Variants in DCN observed in about 807,000 individuals in gnomAD.
DCN encodes decorin, also known as bone proteoglycan II.
Under a neutral mutation model 36.5 loss-of-function variants are expected in DCN, and 17 were observed. That is an observed-to-expected ratio of 0.47 (90% CI 0.32 to 0.70). DCN has a LOEUF of 0.70. DCN is among the 30% of genes least tolerant of loss of function. The probability of loss-of-function intolerance (pLI) is 0.04; values close to 1 mark genes in which losing one functional copy is unlikely to be tolerated. For missense variants in DCN, 389 were observed against 430.1 expected (o/e 0.90, Z 0.84); for synonymous variants, 163 against 161.4 (o/e 1.01, Z -0.07).
At chr12:91,172,149 CTTT>C (rs79669816) in intron 2 of DCN, 5 of 147,308 alleles carry the variant, frequency 3.4e-5, no homozygotes, top group African/African-American at 1.2e-4. Context: ...AAATAGACTT[CTTT>C]TTTTTTTTAT....
At chr12:91,163,746 A>G (rs1882314075) in intron 3 of DCN, among the ~76,000 whole-genome samples, 1 of 152,192 alleles carries the variant, frequency 6.6e-6, no homozygotes, top group African/African-American at 2.4e-5. Flanking sequence ...TGAAGATAGA[A>G]TTATATTTCG....
intron 5 of DCN, among the ~76,000 whole-genome samples, chr12:91,155,212 G>A (rs1248581865): frequency 1.3e-5 from 2 of 152,128 alleles, no homozygotes; most frequent in Non-Finnish European, 2.9e-5. Context: ...CTAGCTCTAA[G>A]AACTTAATTA....
In DCN at chr12:91,164,726, A is replaced by G; in HGVS notation, c.212-9T>C. 5.0e-6 allele frequency: 7 copies of G among 1,408,862 alleles called. No individual in the cohort carries two copies. Among genetic ancestry groups the G allele is most frequent in the Non-Finnish European group, 7.1e-6 (7 of 992,620 alleles). The allele number at this position is 1,408,862 out of a possible 1,614,324, so 87.3% of individuals were successfully genotyped here. On this transcript the variant is annotated splice_polypyrimidine_tract_variant and intron_variant, in intron 2 of 7. Coordinates refer to ENST00000052754, the MANE Select transcript of DCN (RefSeq NM_001920.5). ...TGGCACTTTGTCCAGACCTAGCATA[A>G]GAGTAATAGGAGTGTGCTGTGAGTA...
chr12:91,173,977 A>G (rs1454067955), intron 2 of DCN, among the ~76,000 whole-genome samples: 1 of 152,206 alleles, frequency 6.6e-6, no homozygotes, highest in Non-Finnish European at 1.5e-5. Flanking sequence ...AAATTAAAAC[A>G]TTATTTGCAT....
chr12:91,148,233 C>G (rs1340954657), intron 7 of DCN, among the ~76,000 whole-genome samples: 1 of 151,976 alleles, frequency 6.6e-6, no homozygotes, highest in East Asian at 2.0e-4. Context: ...ACCACCACGC[C>G]CGGCTAATTT....
At chr12:91,178,252 G>T (rs1711534455) in intron 2 of DCN, 90 bp downstream of exon 2, 1 of 1,171,212 alleles carries the variant, frequency 8.5e-7, no homozygotes, top group Non-Finnish European at 1.3e-6. Flanking sequence ...AATTTAGAGA[G>T]ATTAAAACTG....
chr12:91,153,734 A>G (rs1466769971), intron 5 of DCN, among the ~76,000 whole-genome samples: 1 of 152,070 alleles, frequency 6.6e-6, no homozygotes, highest in African/African-American at 2.4e-5. Context: ...TCTGTGTAGA[A>G]ACAGCTAACA....
chr12:91,163,279 G>A (rs756616844), intron 3 of DCN, among the ~76,000 whole-genome samples: 1 of 152,166 alleles, frequency 6.6e-6, no homozygotes, highest in Admixed American at 6.5e-5. Flanking sequence ...CATTTCCCTT[G>A]TATAGCATAT....
At position 91,142,776 on chromosome 12, in the gene DCN, T is replaced by C. The variant is rs1880791835; in HGVS notation, c.*3282A>G. The C allele has an allele frequency of 3.3e-5, 5 of 152,152 alleles. No individual in the cohort carries two copies. The South Asian group carries it at 1.0e-3, about 32-fold the overall frequency. The allele number at this position is 152,152 out of a possible 1,614,324, so 9.4% of individuals were successfully genotyped here. On this transcript the variant is annotated 3_prime_UTR_variant, in exon 8 of 8. Transcript: ENST00000052754. ...CCAACCAGGAGGGGTCAGAGACAAATTTTTAAGTTTCCAACCTTTTATGTG... is the reference window on the plus strand; with the variant it reads ...CCAACCAGGAGGGGTCAGAGACAAACTTTTAAGTTTCCAACCTTTTATGTG...
At chr12:91,163,311 T>A (rs1436768598) in intron 3 of DCN, among the ~76,000 whole-genome samples, 3 of 152,222 alleles carry the variant, frequency 2.0e-5, no homozygotes, top group African/African-American at 7.2e-5. Context: ...TACCACAATA[T>A]TCATTCTTTG....
At chr12:91,173,594 C>A (rs936106272) in intron 2 of DCN, among the ~76,000 whole-genome samples, 1 of 152,154 alleles carries the variant, frequency 6.6e-6, no homozygotes, top group Non-Finnish European at 1.5e-5. Flanking sequence ...GCCTCCTTCC[C>A]ATATCATGTT....
In DCN at chr12:91,158,234, A is replaced by G. The variant is rs963115740; in HGVS notation, c.538+62T>C. On this transcript the variant is annotated intron_variant, in intron 4 of 7. Transcript: ENST00000052754. ...ATTTACCTTCCTGCACTTAAAACCC[A>G]GTTGAAATCTCTTAAGATAAAAACT... is the stretch of plus-strand genomic sequence containing the variant. 5.0e-5 allele frequency: 52 copies of G among 1,042,434 alleles called. 1 individual carries two copies. The Middle Eastern group carries it at 8.1e-4, about 16-fold the overall frequency. 64.6% of individuals were successfully genotyped at this position (1,042,434 alleles called of 1,614,324 possible). A position where few individuals can be genotyped will look rare whatever the true frequency, so the allele number is the denominator to read the frequency against.
At chr12:91,146,601 A>C (rs1056065232) in intron 7 of DCN, among the ~76,000 whole-genome samples, 2 of 151,962 alleles carry the variant, frequency 1.3e-5, no homozygotes, top group Admixed American at 1.3e-4. Context: ...TGATCCGGCC[A>C]CCTCAGCCTC....
At chr12:91,159,177 A>C (rs1882001667) in intron 3 of DCN, among the ~76,000 whole-genome samples, 1 of 152,216 alleles carries the variant, frequency 6.6e-6, no homozygotes, top group Middle Eastern at 3.2e-3. Flanking sequence ...TCAATGCCAC[A>C]GACATCCATC....
At chr12:91,149,680 T>C (rs1474616503) in intron 7 of DCN, among the ~76,000 whole-genome samples, 1 of 152,088 alleles carries the variant, frequency 6.6e-6, no homozygotes, top group Non-Finnish European at 1.5e-5. Context: ...AAATAATATA[T>C]CCTGAATATA....
In DCN at chr12:91,145,053, C is replaced by T. The variant is rs1880924859; in HGVS notation, c.*1005G>A. ...GACAGAAACTATTTTCACATATTTG[C>T]TTATTAATTGTTGATAGCACAAATG... is the stretch of plus-strand genomic sequence containing the variant. On this transcript the variant is annotated 3_prime_UTR_variant, in exon 8 of 8. Transcript: ENST00000052754. 6.6e-6 allele frequency: 1 copy of T among 152,090 alleles called. No homozygotes were observed. Among genetic ancestry groups the T allele is most frequent in the Non-Finnish European group, 1.5e-5 (1 of 68,010 alleles). The allele number at this position is 152,090 out of a possible 1,614,324, so 9.4% of individuals were successfully genotyped here. A position where few individuals can be genotyped will look rare whatever the true frequency, so the allele number is the denominator to read the frequency against.
At chr12:91,182,402 G>A (rs566608430) in intron 1 of DCN, among the ~76,000 whole-genome samples, 3 of 151,988 alleles carry the variant, frequency 2.0e-5, no homozygotes, top group African/African-American at 7.2e-5. Flanking sequence ...ATGGTGTTAG[G>A]TTACAGTTTT....
At chr12:91,179,435 A>C (rs1291742799) in intron 1 of DCN, 1 of 152,280 alleles carries the variant, frequency 6.6e-6, no homozygotes, top group African/African-American at 2.4e-5. Flanking sequence ...TCCAGGCAAG[A>C]TGCTGCTTTC....
rs994898519 is a variant in DCN, at chr12:91,143,319, T to G, written c.*2739A>C. ...GTTTTTGGTACTTTATTATAGCAGC[T>G]GTGAGTTCCTTACAGAGGCCAATAA... On this transcript the variant is annotated 3_prime_UTR_variant, in exon 8 of 8. Coordinates refer to ENST00000052754, the MANE Select transcript of DCN (RefSeq NM_001920.5). The G allele has an allele frequency of 6.6e-6, 1 of 152,202 alleles. No individual in the cohort carries two copies. Among genetic ancestry groups the G allele is most frequent in the African/African-American group, 2.4e-5 (1 of 41,446 alleles). 9.4% of individuals were successfully genotyped at this position (152,202 alleles called of 1,614,324 possible).
Sources: gnomAD v4.1 joint callset for allele counts (sites outside exome capture counted in the v4.1 genomes callset) on GRCh38, gnomAD v4.1.1 for gene constraint, MANE v1.5 for transcripts, NCBI Gene and HGNC (gene_info 2026-07-23, HGNC 2026-07-21) for gene names.